The following CADPS2 variants were observed in gnomAD, a reference collection of about 807,000 sequenced individuals.
The protein encoded by CADPS2 is calcium dependent secretion activator 2.
CADPS2 carries 93 observed loss-of-function variants against 172.5 expected under a neutral mutation model. That is an observed-to-expected ratio of 0.54 (90% CI 0.46 to 0.64). CADPS2 has a LOEUF of 0.64. Among genes scored for constraint, CADPS2 ranks in the 30% least tolerant of loss-of-function variants. The pLI is 0.00. For synonymous variants in CADPS2, 546 were observed against 555.2 expected, an observed-to-expected ratio of 0.98 and a Z score of 0.23; for missense variants, 1,420 against 1,565.9, an observed-to-expected ratio of 0.91 and a Z score of 1.57.
At chr7:122,431,026 G>C (rs2049839666) in intron 17 of CADPS2, among the ~76,000 whole-genome samples, 3 of 152,172 alleles carry the variant, frequency 2.0e-5, no homozygotes, top group Non-Finnish European at 4.4e-5. Flanking sequence ...CTCTGATCCA[G>C]CATTAGTGCT....
At chr7:122,785,170 C>A (rs1438307317) in intron 1 of CADPS2, among the ~76,000 whole-genome samples, 1 of 152,168 alleles carries the variant, frequency 6.6e-6, no homozygotes, top group Non-Finnish European at 1.5e-5. Context: ...ACAGTTGAAT[C>A]TCCCTAGGTA....
intron 6 of CADPS2, among the ~76,000 whole-genome samples, chr7:122,598,906 G>A (rs2082617848): frequency 6.6e-6 from 1 of 152,040 alleles, no homozygotes; most frequent in Non-Finnish European, 1.5e-5. Flanking sequence ...GACAACTAGA[G>A]CAAACAGTGA....
intron 25 of CADPS2, among the ~76,000 whole-genome samples, chr7:122,370,887 T>A (rs548776184): frequency 1.3e-5 from 2 of 152,292 alleles, no homozygotes; most frequent in African/African-American, 4.8e-5. Flanking sequence ...AAGGGACTTG[T>A]AGGTGATGCT....
At chr7:122,524,064 T>C (rs2061016887) in intron 8 of CADPS2, among the ~76,000 whole-genome samples, 1 of 152,196 alleles carries the variant, frequency 6.6e-6, no homozygotes, top group Non-Finnish European at 1.5e-5. Flanking sequence ...AATGATTTAC[T>C]TATGCAATCC....
chr7:122,607,791 C>T (rs556789086), intron 6 of CADPS2, among the ~76,000 whole-genome samples: 4 of 152,028 alleles, frequency 2.6e-5, no homozygotes, highest in African/African-American at 7.2e-5. Context: ...CCAACCCTAT[C>T]GGTCTTAGAG....
At chr7:122,455,906 T>G (rs1294786832) in intron 14 of CADPS2, among the ~76,000 whole-genome samples, 1 of 152,008 alleles carries the variant, frequency 6.6e-6, no homozygotes, top group Non-Finnish European at 1.5e-5. Context: ...AGGTTTCAAG[T>G]TGGCCAGGCT....
At chr7:122,853,530 A>C (rs928111527) in intron 1 of CADPS2, among the ~76,000 whole-genome samples, 1 of 152,020 alleles carries the variant, frequency 6.6e-6, no homozygotes, top group African/African-American at 2.4e-5. Flanking sequence ...ACAGATCCCT[A>C]TTTGTTCTTT....
At chr7:122,674,016 G>A (rs924646547) in intron 2 of CADPS2, among the ~76,000 whole-genome samples, 5 of 152,218 alleles carry the variant, frequency 3.3e-5, no homozygotes, top group East Asian at 1.9e-4. Context: ...AGCGCGGCTC[G>A]GGCGGGCTGG....
intron 9 of CADPS2, among the ~76,000 whole-genome samples, chr7:122,510,972 G>T (rs1278622608): frequency 6.6e-6 from 1 of 152,106 alleles, no homozygotes; most frequent in African/African-American, 2.4e-5. Context: ...GGAATTCTCT[G>T]CATGAATGCA....
chr7:122,691,852 G>A (rs948533714), intron 2 of CADPS2, among the ~76,000 whole-genome samples: 1 of 152,210 alleles, frequency 6.6e-6, no homozygotes, highest in African/African-American at 2.4e-5. Flanking sequence ...TCCAGGCATG[G>A]GAGAGATGTG....
chr7:122,417,028 G>T (rs2048007201), intron 17 of CADPS2, among the ~76,000 whole-genome samples: 1 of 152,190 alleles, frequency 6.6e-6, no homozygotes, highest in Non-Finnish European at 1.5e-5. Flanking sequence ...CAAGGAGGTT[G>T]TGAGGAAAGA....
intron 22 of CADPS2, 35 bp from the exon 23 acceptor site, chr7:122,388,773 C>G (rs760299108): frequency 1.3e-5 from 20 of 1,562,324 alleles, no homozygotes; most frequent in Non-Finnish European, 1.7e-5. Flanking sequence ...ATCATGAACT[C>G]CCCGTTAATT....
At chr7:122,473,006 G>C (rs73431597) in intron 13 of CADPS2, among the ~76,000 whole-genome samples, 1 of 151,920 alleles carries the variant, frequency 6.6e-6, no homozygotes, top group Non-Finnish European at 1.5e-5. Context: ...CCCAGACCTG[G>C]GAAGCTCCAA....
intron 1 of CADPS2, among the ~76,000 whole-genome samples, chr7:122,867,759 G>A (rs898056083): frequency 6.6e-6 from 1 of 152,104 alleles, no homozygotes; most frequent in Non-Finnish European, 1.5e-5. Flanking sequence ...TTTGCCCCAG[G>A]GACAATTCCA....
intron 28 of CADPS2, among the ~76,000 whole-genome samples, chr7:122,329,908 T>C (rs1342678798): frequency 2.6e-5 from 4 of 152,200 alleles, no homozygotes; most frequent in Admixed American, 6.5e-5. Context: ...CTGATGATGA[T>C]GGCAAGGTAA....
chr7:122,777,573 T>G (rs1359453792), intron 1 of CADPS2, among the ~76,000 whole-genome samples: 1 of 152,132 alleles, frequency 6.6e-6, no homozygotes, highest in Non-Finnish European at 1.5e-5. Context: ...ATAATTCCCA[T>G]GTGTCATGGG....
intron 3 of CADPS2, among the ~76,000 whole-genome samples, chr7:122,649,723 T>C (rs2078934374): frequency 6.6e-6 from 1 of 152,048 alleles, no homozygotes; most frequent in African/African-American, 2.4e-5. Context: ...AACTATACCA[T>C]TACATTTCAT....
intron 8 of CADPS2, among the ~76,000 whole-genome samples, chr7:122,538,240 T>C (rs1339422823): frequency 6.6e-6 from 1 of 151,510 alleles, no homozygotes; most frequent in Non-Finnish European, 1.5e-5. Flanking sequence ...ATTCCTAGAC[T>C]GAAAATCACT....
chr7:122,629,122 T>C, intron 4 of CADPS2, 126 bp downstream of exon 4: 1 of 625,004 alleles, frequency 1.6e-6, no homozygotes, highest in Non-Finnish European at 2.7e-6. Flanking sequence ...GGTCTATGTG[T>C]AGAGGAGAAA....
Sources: allele counts gnomAD v4.1 joint callset (sites outside exome capture counted in the v4.1 genomes callset), GRCh38; gene constraint gnomAD v4.1.1; transcripts MANE v1.5; gene names NCBI Gene and HGNC (gene_info 2026-07-23, HGNC 2026-07-21).